PGM2L1: variants seen among roughly 807,000 people sequenced by gnomAD.
The protein encoded by PGM2L1 is phosphoglucomutase 2 like 1.
Under a neutral mutation model 73.4 loss-of-function variants are expected in PGM2L1, and 35 were observed. That is an observed-to-expected ratio of 0.48 (90% CI 0.36 to 0.63). PGM2L1 has a LOEUF of 0.63. PGM2L1 is among the 30% of genes least tolerant of loss of function. The pLI, the probability that PGM2L1 is intolerant of heterozygous loss-of-function variation, is 0.00. For missense variants in PGM2L1, 570 were observed against 742.0 expected, an observed-to-expected ratio of 0.77 and a Z score of 2.69; for synonymous variants, 225 against 253.8, an observed-to-expected ratio of 0.89 and a Z score of 1.08.
chr11:74,354,585 C>T (rs781459972), intron 5 of PGM2L1: 8 of 1,121,010 alleles, frequency 7.1e-6, no homozygotes, highest in South Asian at 1.2e-5. Context: ...TAATGAAAGA[C>T]CCAAACACCA....
chr11:74,335,582 T>C lies in PGM2L1; in HGVS notation c.*1070A>G, dbSNP rs1294962867. ...TTTCATAATACTTAAAATTTGGATG[T>C]TTTATTCTTAGTAAAATTAACATTA... On this transcript the variant is annotated 3_prime_UTR_variant, in exon 14 of 14. Coordinates refer to ENST00000298198, the MANE Select transcript of PGM2L1 (RefSeq NM_173582.6). 1 of 152,234 alleles carries C rather than the reference T, an allele frequency of 6.6e-6. No individual in the cohort carries two copies. Among genetic ancestry groups the C allele is most frequent in the Non-Finnish European group, 1.5e-5 (1 of 68,038 alleles). 9.4% of individuals were successfully genotyped at this position (152,234 alleles called of 1,614,324 possible).
intron 1 of PGM2L1, among the ~76,000 whole-genome samples, chr11:74,384,468 G>A (rs527982194): frequency 1.4e-4 from 21 of 151,806 alleles, no homozygotes; most frequent in Non-Finnish European, 2.2e-4. Flanking sequence ...AGCCCTTGCC[G>A]GTCAGTTTGC....
intron 1 of PGM2L1, among the ~76,000 whole-genome samples, chr11:74,380,787 T>C (rs1005263141): frequency 2.6e-4 from 39 of 152,190 alleles, no homozygotes; most frequent in African/African-American, 9.2e-4. Context: ...ATTTCTCATA[T>C]AAGGTAGTCA....
chr11:74,343,447 G>A, intron 9 of PGM2L1, 31 bp from the exon 10 acceptor site: 1 of 1,597,306 alleles, frequency 6.3e-7, no homozygotes, highest in Non-Finnish European at 8.5e-7. Flanking sequence ...CTCTAGTTAA[G>A]TGACTGTCTC....
Position 74,342,624 on chromosome 11 carries a change from G to A in PGM2L1, c.1469C>T (p.Ser490Phe). ...EKYGYHISKT[S>F]YFLCYEPPTI... is the part of the protein sequence containing the mutation. Reference sequence around the variant, plus strand: ...AGGTGGTTCATAACACAAGAAATAGGAAGTTTTTGAAATATGATAACCATA... The same window carrying A: ...AGGTGGTTCATAACACAAGAAATAGAAAGTTTTTGAAATATGATAACCATA... Residue 490 changes from serine to phenylalanine, a missense_variant, in exon 12 of 14, where the codon TCC becomes TTC. Ser to Phe is a radical substitution (Grantham distance 155, BLOSUM62 -2). Coordinates refer to ENST00000298198, the MANE Select transcript of PGM2L1 (RefSeq NM_173582.6). The A allele has an allele frequency of 3.2e-6, 5 of 1,584,402 alleles. No homozygotes were observed. The highest frequency in any genetic ancestry group is 4.3e-6 in the Non-Finnish European group (5 of 1,165,690).
intron 9 of PGM2L1, 37 bp from the exon 10 acceptor site, chr11:74,343,453 G>C (rs117796442): frequency 0.041 from 65,118 of 1,595,328 alleles, 1,565 homozygotes; most frequent in Middle Eastern, 0.047. Context: ...TTAAGTGACT[G>C]TCTCACAAAT....
chr11:74,388,050 G>A (rs1863041276), intron 1 of PGM2L1, among the ~76,000 whole-genome samples: 1 of 151,980 alleles, frequency 6.6e-6, no homozygotes, highest in Non-Finnish European at 1.5e-5. Context: ...TGTATATCTT[G>A]CACAGAGGGC....
intron 1 of PGM2L1, among the ~76,000 whole-genome samples, chr11:74,380,545 A>G (rs565181205): frequency 3.9e-5 from 6 of 152,298 alleles, no homozygotes; most frequent in African/African-American, 1.4e-4. Context: ...TATCCATGAA[A>G]TGAAGTACTA....
chr11:74,338,346 G>T, intron 13 of PGM2L1, 122 bp downstream of exon 13: 1 of 893,644 alleles, frequency 1.1e-6, no homozygotes, highest in Non-Finnish European at 1.5e-6. Context: ...AGTGATGGAT[G>T]CACAACTTTG....
intron 5 of PGM2L1, among the ~76,000 whole-genome samples, chr11:74,364,806 T>C (rs1168882379): frequency 6.6e-6 from 1 of 152,174 alleles, no homozygotes; most frequent in Non-Finnish European, 1.5e-5. Flanking sequence ...AATTTATAGA[T>C]TCAATGCCAT....
chr11:74,392,975 C>A (rs2134957765), intron 1 of PGM2L1, among the ~76,000 whole-genome samples: 1 of 152,220 alleles, frequency 6.6e-6, no homozygotes, highest in African/African-American at 2.4e-5. Context: ...GTTTGAGTCC[C>A]AATTTTACCA....
At position 74,353,790 on chromosome 11, in the gene PGM2L1, C is replaced by T. The variant is rs923407084; in HGVS notation, c.556-2214G>A. 1.2e-4 allele frequency among the ~76,000 whole-genome samples: 11 copies of T among 92,228 alleles called. No homozygotes were observed. In the East Asian group the frequency reaches 3.6e-3, roughly 30 times the overall value. The allele number at this position is 92,228 out of a possible 152,430, so 60.5% of individuals were successfully genotyped here. On this transcript the variant is annotated intron_variant, in intron 5 of 13. Coordinates refer to ENST00000298198, the MANE Select transcript of PGM2L1 (RefSeq NM_173582.6). ...TCTCTTTCCTTTCCCCACACTTCCC[C>T]CACTTCCACTAGACAAAACCGCCAT...
At chr11:74,364,152 C>A (rs1318901018) in intron 5 of PGM2L1, among the ~76,000 whole-genome samples, 2 of 152,082 alleles carry the variant, frequency 1.3e-5, no homozygotes, top group Non-Finnish European at 2.9e-5. Flanking sequence ...AGGCCTTTGA[C>A]AAAATTCAAC....
At chr11:74,365,089 A>C (rs1382149668) in intron 5 of PGM2L1, among the ~76,000 whole-genome samples, 2 of 150,612 alleles carry the variant, frequency 1.3e-5, no homozygotes, top group Non-Finnish European at 3.0e-5. Context: ...ATCTTTGACA[A>C]ACCTGACAAA....
At position 74,330,595 on chromosome 11, in the gene PGM2L1, C is replaced by T. The variant is rs1286847349; in HGVS notation, c.*6057G>A. 2 of 152,584 alleles carry T rather than the reference C, an allele frequency of 1.3e-5. No individual in the cohort carries two copies. Among genetic ancestry groups the T allele is most frequent in the Non-Finnish European group, 2.9e-5 (2 of 68,016 alleles). 9.5% of individuals were successfully genotyped at this position (152,584 alleles called of 1,614,324 possible). ...AGGCATACAAAGAGTTTATTCTAGC[C>T]TAGAACAACAAGGCCTCACCATACA... On this transcript the variant is annotated 3_prime_UTR_variant, in exon 14 of 14. Transcript: ENST00000298198.
At chr11:74,377,483 G>A (rs546984766) in intron 1 of PGM2L1, among the ~76,000 whole-genome samples, 2 of 152,192 alleles carry the variant, frequency 1.3e-5, no homozygotes, top group East Asian at 3.9e-4. Context: ...TATAGTAAAT[G>A]AAAAGGAGAG....
intron 1 of PGM2L1, among the ~76,000 whole-genome samples, chr11:74,377,036 A>G (rs1448966276): frequency 6.6e-6 from 1 of 152,052 alleles, no homozygotes; most frequent in Admixed American, 6.6e-5. Context: ...ATGAACTTAC[A>G]TTTGTATTTT....
chr11:74,389,683 C>T lies in PGM2L1; in HGVS notation c.111+8368G>A, dbSNP rs573647921. On this transcript the variant is annotated intron_variant, in intron 1 of 13. Transcript: ENST00000298198. Reference sequence around the variant, plus strand: ...CAGGCTGGTCTCGAACTCCTGACCTCAGGTGATCCGCCTGCCTTGGCCTCC... The same window carrying T: ...CAGGCTGGTCTCGAACTCCTGACCTTAGGTGATCCGCCTGCCTTGGCCTCC... Among the ~76,000 whole-genome samples the T allele has an allele frequency of 3.3e-5, 5 of 151,404 alleles. No homozygotes were observed. In the East Asian group the frequency reaches 8.0e-4, roughly 24 times the overall value.
Position 74,342,959 on chromosome 11 carries a change from C to T in PGM2L1, c.1368G>A (p.Val456=). Residue 456 remains valine, a synonymous_variant, in exon 11 of 14, where the codon GTG becomes GTA. Coordinates refer to ENST00000298198, the MANE Select transcript of PGM2L1 (RefSeq NM_173582.6). The part of the protein sequence containing the change: ...LDKDGVSAAV[V]VAEMASYLET... ...CCAGGTAAGATGCCATCTCAGCAAC[C>T]ACAACAGCTGCACTCACCCCATCTT... The T allele has an allele frequency of 6.2e-7, 1 of 1,611,018 alleles. No homozygotes were observed. Among genetic ancestry groups the T allele is most frequent in the African/African-American group, 1.3e-5 (1 of 74,900 alleles).
Sources: allele counts gnomAD v4.1 joint callset (sites outside exome capture counted in the v4.1 genomes callset), GRCh38; gene constraint gnomAD v4.1.1; transcripts MANE v1.5; gene names NCBI Gene and HGNC (gene_info 2026-07-23, HGNC 2026-07-21).